The following B3GALT1 variants were observed in gnomAD, a reference collection of about 807,000 sequenced individuals.
B3GALT1 encodes beta-1,3-galactosyltransferase 1, also known as UDP-Gal:betaGlcNAc beta 1,3-galactosyltransferase, polypeptide 1.
Under a neutral mutation model 23.2 loss-of-function variants are expected in B3GALT1, and 10 were observed. The observed-to-expected ratio is 0.43, with a 90% CI of 0.27 to 0.73. The LOEUF is 0.73. Ranked by LOEUF, B3GALT1 falls within the 30% of genes least tolerant of loss-of-function variation. The pLI is 0.21. For synonymous variants in B3GALT1, 156 were observed against 141.5 expected (o/e 1.10, Z -0.73); for missense variants, 299 against 405.4 (o/e 0.74, Z 2.25).
At chr2:167,394,935 A>G (rs1182988220) in intron 1 of B3GALT1, among the ~76,000 whole-genome samples, 1 of 152,208 alleles carries the variant, frequency 6.6e-6, no homozygotes, top group Non-Finnish European at 1.5e-5. Flanking sequence ...CTTTGGGAAC[A>G]GATAATTTAT....
intron 1 of B3GALT1, among the ~76,000 whole-genome samples, chr2:167,364,692 T>C (rs1265233550): frequency 6.6e-6 from 1 of 152,220 alleles, no homozygotes; most frequent in Non-Finnish European, 1.5e-5. Context: ...GGCTGCATAG[T>C]ATTCCATGGT....
intron 2 of B3GALT1, among the ~76,000 whole-genome samples, chr2:167,517,629 C>T (rs16853692): frequency 0.011 from 1,681 of 152,086 alleles, 27 homozygotes; most frequent in African/African-American, 0.038. Context: ...ATTGCATTAT[C>T]TAATTTAATT....
intron 3 of B3GALT1, among the ~76,000 whole-genome samples, chr2:167,650,451 A>G (rs954112105): frequency 4.0e-5 from 6 of 151,588 alleles, no homozygotes; most frequent in Admixed American, 1.3e-4. Context: ...GAGAATTTTT[A>G]CATGTTTATG....
intron 1 of B3GALT1, among the ~76,000 whole-genome samples, chr2:167,459,862 T>C (rs1292088652): frequency 1.3e-5 from 2 of 152,184 alleles, no homozygotes; most frequent in South Asian, 2.1e-4. Context: ...TTTGCTGATA[T>C]AGGATTCTTG....
At chr2:167,504,084 T>A (rs754204100) in intron 2 of B3GALT1, among the ~76,000 whole-genome samples, 1 of 152,208 alleles carries the variant, frequency 6.6e-6, no homozygotes, top group Non-Finnish European at 1.5e-5. Flanking sequence ...CCTGGGCAGA[T>A]ATGCAGTGGG....
At chr2:167,573,258 G>C (rs1334861824) in intron 2 of B3GALT1, among the ~76,000 whole-genome samples, 1 of 151,748 alleles carries the variant, frequency 6.6e-6, no homozygotes, top group Non-Finnish European at 1.5e-5. Flanking sequence ...AATAGTCTTT[G>C]GGTGTTACTT....
Position 167,549,838 on chromosome 2 carries a change from G to A in B3GALT1, c.-410+59561G>A, listed in dbSNP as rs189726210. Among the ~76,000 whole-genome samples the A allele has an allele frequency of 1.4e-4, 22 of 152,086 alleles. No homozygotes were observed. The East Asian group carries it at 3.5e-3, about 24-fold the overall frequency. On this transcript the variant is annotated intron_variant, in intron 2 of 4. Coordinates refer to ENST00000392690, the MANE Select transcript of B3GALT1 (RefSeq NM_020981.4). ...ATTTTTATTTTTCCTTTTAATGTTT[G>A]TATTGGGTTATTCCAGAGCAAAAGT...
chr2:167,844,758 G>C (rs983118532), intron 4 of B3GALT1, among the ~76,000 whole-genome samples: 1 of 152,148 alleles, frequency 6.6e-6, no homozygotes, highest in Non-Finnish European at 1.5e-5. Flanking sequence ...CCAGAACTCA[G>C]GGGAGGGCGC....
chr2:167,405,449 A>C (rs749381885), intron 1 of B3GALT1, among the ~76,000 whole-genome samples: 29 of 152,138 alleles, frequency 1.9e-4, no homozygotes, highest in South Asian at 4.1e-4. Flanking sequence ...TTCTTATAGA[A>C]ATCTTTCCTT....
intron 3 of B3GALT1, among the ~76,000 whole-genome samples, chr2:167,767,580 T>A (rs1175694043): frequency 6.6e-6 from 1 of 152,164 alleles, no homozygotes; most frequent in African/African-American, 2.4e-5. Context: ...TGCAAAAAAA[T>A]ATGAAATTCC....
intron 1 of B3GALT1, among the ~76,000 whole-genome samples, chr2:167,294,815 C>T (rs569576671): frequency 1.3e-5 from 2 of 152,252 alleles, no homozygotes; most frequent in Admixed American, 6.5e-5. Flanking sequence ...TGTTATGTAG[C>T]TCCGTAATCT....
intron 3 of B3GALT1, among the ~76,000 whole-genome samples, chr2:167,658,944 A>C (rs1245730388): frequency 6.6e-6 from 1 of 152,120 alleles, no homozygotes; most frequent in Admixed American, 6.6e-5. Context: ...TTTATCATAA[A>C]GGTGATTGCT....
intron 3 of B3GALT1, among the ~76,000 whole-genome samples, chr2:167,667,821 G>T (rs541141675): frequency 6.6e-6 from 1 of 152,104 alleles, no homozygotes; most frequent in African/African-American, 2.4e-5. Context: ...GCACTTCTCT[G>T]TATTGGTTAT....
At chr2:167,333,259 T>G (rs1256851672) in intron 1 of B3GALT1, among the ~76,000 whole-genome samples, 3 of 152,178 alleles carry the variant, frequency 2.0e-5, no homozygotes, top group Admixed American at 6.5e-5. Flanking sequence ...ACTTAAACCC[T>G]AAAGTAATTA....
In B3GALT1 at chr2:167,870,250, T is replaced by C. The variant is rs1690316530; in HGVS notation, c.*230T>C. On this transcript the variant is annotated 3_prime_UTR_variant, in exon 5 of 5. Coordinates refer to ENST00000392690, the MANE Select transcript of B3GALT1 (RefSeq NM_020981.4). The stretch of plus-strand genomic sequence containing the variant: ...GATTTCATTCTCAGTCCCAGAGCAT[T>C]GCTATTTATCTCAAAAAGTGACTTC... The C allele has an allele frequency of 2.4e-6, 1 of 418,992 alleles. No individual in the cohort carries two copies. Among genetic ancestry groups the C allele is most frequent in the Non-Finnish European group, 4.4e-6 (1 of 228,368 alleles). 26.0% of individuals were successfully genotyped at this position (418,992 alleles called of 1,614,324 possible).
chr2:167,518,038 A>AC (rs1192427393), intron 2 of B3GALT1, among the ~76,000 whole-genome samples: 88 of 152,100 alleles, frequency 5.8e-4, no homozygotes, highest in Non-Finnish European at 7.1e-4. Flanking sequence ...AACAACAACA[A>AC]AAAAAATTGT....
chr2:167,673,552 G>C (rs1260069719), intron 3 of B3GALT1, among the ~76,000 whole-genome samples: 1 of 151,700 alleles, frequency 6.6e-6, no homozygotes, highest in Non-Finnish European at 1.5e-5. Flanking sequence ...AAGCACTTAG[G>C]GATATACTTG....
intron 2 of B3GALT1, among the ~76,000 whole-genome samples, chr2:167,570,954 A>G (rs1275663533): frequency 6.6e-6 from 1 of 151,982 alleles, no homozygotes; most frequent in Admixed American, 6.6e-5. Flanking sequence ...TTAGTTTCGC[A>G]AGTATAGACT....
At chr2:167,670,320 A>T (rs1327536298) in intron 3 of B3GALT1, among the ~76,000 whole-genome samples, 4 of 152,226 alleles carry the variant, frequency 2.6e-5, no homozygotes, top group Non-Finnish European at 5.9e-5. Context: ...TATCTTCCAA[A>T]GAGGAAAAAG....
Sources: gnomAD v4.1 joint callset for allele counts (sites outside exome capture counted in the v4.1 genomes callset) on GRCh38, gnomAD v4.1.1 for gene constraint, MANE v1.5 for transcripts, NCBI Gene and HGNC (gene_info 2026-07-23, HGNC 2026-07-21) for gene names.